ZNF23: variants seen among roughly 807,000 people sequenced by gnomAD.
ZNF23 encodes kruppel-like zinc finger factor X31.
A neutral mutation model predicts 56.2 loss-of-function variants in ZNF23; 48 were observed. The observed-to-expected ratio is 0.85, with a 90% CI of 0.68 to 1.09. ZNF23 has a LOEUF of 1.09. ZNF23 is among the 50% of genes least tolerant of loss of function. The probability of loss-of-function intolerance (pLI) is 0.00; values close to 1 mark genes in which losing one functional copy is unlikely to be tolerated. For synonymous variants in ZNF23, 266 were observed against 283.3 expected (o/e 0.94, Z 0.61); for missense variants, 805 against 811.4 (o/e 0.99, Z 0.10).
intron 1 of ZNF23, among the ~76,000 whole-genome samples, chr16:71,458,613 C>T (rs747338988): frequency 9.2e-5 from 14 of 152,076 alleles, no homozygotes; most frequent in Non-Finnish European, 1.5e-4. Context: ...GACTAAAGGT[C>T]CTAAGGTTAA....
chr16:71,456,032 T>A (rs2043218565), intron 2 of ZNF23: 1 of 456,382 alleles, frequency 2.2e-6, no homozygotes, highest in Non-Finnish European at 4.4e-6. Context: ...ATAGTAAGCC[T>A]CCAAAGATAC....
chr16:71,448,290 G>C lies in ZNF23; in HGVS notation c.1864C>G (p.Gln622Glu), dbSNP rs758073385. 1 of 1,614,170 alleles carries C rather than the reference G, an allele frequency of 6.2e-7. No individual in the cohort carries two copies. The highest frequency in any genetic ancestry group is 1.1e-5 in the South Asian group (1 of 91,078). Residue 622 changes from glutamine to glutamate, a missense_variant, in exon 5 of 5, where the codon CAG becomes GAG. Physicochemically the swap from Gln to Glu is conservative, Grantham distance 29. Coordinates refer to ENST00000647773, the MANE Select transcript of ZNF23 (RefSeq NM_001381984.1). ...FHVNAHLIRH[Q>E]RSHTGEKPFR... Reference sequence around the variant, plus strand: ...GGTTTCTCCCCAGTGTGGCTTCTCTGATGCCGAATTAAATGGGCATTAACA... The same window carrying C: ...GGTTTCTCCCCAGTGTGGCTTCTCTCATGCCGAATTAAATGGGCATTAACA...
Position 71,449,745 on chromosome 16 carries a change from A to G in ZNF23, c.409T>C (p.Ser137Pro). Residue 137 changes from serine (S) to proline (P), a missense_variant, in exon 5 of 5, where the codon TCA (serine) becomes CCA (proline). Physicochemically the swap from Ser to Pro is moderately conservative, Grantham distance 74. Coordinates refer to ENST00000647773, the MANE Select transcript of ZNF23 (RefSeq NM_001381984.1). Reference sequence around the variant, plus strand: ...TTCTCCTTCTTTATATTTCCTGCTGAGTGGACTTCCTGTTGTTTCTCTAGA... The same window carrying G: ...TTCTCCTTCTTTATATTTCCTGCTGGGTGGACTTCCTGTTGTTTCTCTAGA... ...SLLEKQQEVHSAGNIKKEKSN... is the reference protein window; with the variant it reads ...SLLEKQQEVHPAGNIKKEKSN... 6.2e-7 allele frequency: 1 copy of G among 1,614,056 alleles called. No individual in the cohort carries two copies. Among genetic ancestry groups the G allele is most frequent in the Non-Finnish European group, 8.5e-7 (1 of 1,180,018 alleles).
At position 71,448,350 on chromosome 16, in the gene ZNF23, G is replaced by C; in HGVS notation, c.1804C>G (p.Pro602Ala). ...VHQRIHTGEK[P>A]FQCKECGKAF... is the part of the protein sequence containing the mutation. ...TTTCCACACTCCTTACACTGAAAGG[G>C]TTTCTCTCCTGTATGGATTCTCTGG... The change falls in exon 5 of 5, where the codon CCC becomes GCC. Residue 602 changes from proline (P) to alanine (A), a missense_variant. Physicochemically the swap from Pro to Ala is conservative, Grantham distance 27 (BLOSUM62 -1). Coordinates refer to ENST00000647773, the MANE Select transcript of ZNF23 (RefSeq NM_001381984.1). 6.2e-7 allele frequency: 1 copy of C among 1,613,988 alleles called. No individual in the cohort carries two copies. Among genetic ancestry groups the C allele is most frequent in the Non-Finnish European group, 8.5e-7 (1 of 1,179,976 alleles).
rs1356038418 is a variant in ZNF23 at position 71,448,824 on chromosome 16, A to G, written c.1330T>C (p.Phe444Leu). Reference sequence around the variant, plus strand: ...TGGATTAACTTCCCTTTGACACTGAAGGCTTTTCCACATTCAGTGCATTCA... The same window carrying G: ...TGGATTAACTTCCCTTTGACACTGAGGGCTTTTCCACATTCAGTGCATTCA... The part of the protein sequence containing the change: ...PYECTECGKA[F>L]SVKGKLIQHQ... The change falls in exon 5 of 5, where the codon TTC (phenylalanine) becomes CTC (leucine). Residue 444 changes from phenylalanine to leucine, a missense_variant. Coordinates refer to ENST00000647773, the MANE Select transcript of ZNF23 (RefSeq NM_001381984.1). The G allele has an allele frequency of 1.2e-6, 2 of 1,614,218 alleles. No homozygotes were observed. The highest frequency in any genetic ancestry group is 3.3e-5 in the Admixed American group (2 of 60,036).
At position 71,448,891 on chromosome 16, in the gene ZNF23, T is replaced by A. The variant is rs1312187130; in HGVS notation, c.1263A>T (p.Lys421Asn). ...ECGKGFNNNTKLIQHQRIHTG... is the reference protein window; with the variant it reads ...ECGKGFNNNTNLIQHQRIHTG... ...TGTGGATTCTCTGATGCTGAATGAGTTTTGTATTATTATTGAAGCCTTTTC... is the reference window on the plus strand; with the variant it reads ...TGTGGATTCTCTGATGCTGAATGAGATTTGTATTATTATTGAAGCCTTTTC... The change falls in exon 5 of 5, where the codon AAA becomes AAT. Residue 421 changes from lysine (K) to asparagine (N), a missense_variant. Lys to Asn is a moderately conservative substitution (Grantham distance 94). Coordinates refer to ENST00000647773, the MANE Select transcript of ZNF23 (RefSeq NM_001381984.1). 2 of 1,613,962 alleles carry A rather than the reference T, an allele frequency of 1.2e-6. No individual in the cohort carries two copies. Among genetic ancestry groups the A allele is most frequent in the East Asian group, 4.5e-5 (2 of 44,882 alleles).
At position 71,454,148 on chromosome 16, in the gene ZNF23, G is replaced by C. The variant is rs768543620; in HGVS notation, c.54C>G (p.Asp18Glu). The part of the protein sequence containing the change: ...AWPQKSVTFE[D>E]VAVYFTQAEW... ...CCGCCTGGGTGAAGTACACAGCCAC[G>C]TCCTCAAAGGTCACCGACTTCTGAA... Residue 18 changes from aspartate (D) to glutamate (E), a missense_variant, in exon 3 of 5, where the codon GAC (aspartate) becomes GAG (glutamate). Physicochemically the swap from Asp to Glu is conservative, Grantham distance 45. Transcript: ENST00000647773. 5.0e-6 allele frequency: 8 copies of C among 1,613,494 alleles called. No homozygotes were observed. In the East Asian group the frequency reaches 1.6e-4, roughly 31 times the overall value.
intron 1 of ZNF23, among the ~76,000 whole-genome samples, chr16:71,459,941 A>G (rs2043380347): frequency 6.6e-6 from 1 of 152,142 alleles, no homozygotes; most frequent in African/African-American, 2.4e-5. Context: ...TAATAAACCA[A>G]CTCTACCAAT....
At chr16:71,456,177 C>A in intron 2 of ZNF23, 2 of 408,948 alleles carry the variant, frequency 4.9e-6, no homozygotes, top group South Asian at 3.6e-5. Context: ...GTTCCCCGCA[C>A]AACACCTCTT....
At position 71,448,939 on chromosome 16, in the gene ZNF23, C is replaced by T; in HGVS notation, c.1215G>A (p.Lys405=). 1 of 1,614,090 alleles carries T rather than the reference C, an allele frequency of 6.2e-7. No homozygotes were observed. Among genetic ancestry groups the T allele is most frequent in the South Asian group, 1.1e-5 (1 of 91,076 alleles). Residue 405 remains lysine (K), a synonymous_variant, in exon 5 of 5, where the codon AAG becomes AAA. Coordinates refer to ENST00000647773, the MANE Select transcript of ZNF23 (RefSeq NM_001381984.1). The part of the protein sequence containing the change: ...RQHQSIHTGE[K]PYQCKECGKG... ...TTCCACACTCTTTACACTGATAGGG[C>T]TTTTCTCCTGTGTGGATGCTCTGAT... is the stretch of plus-strand genomic sequence containing the variant.
intron 2 of ZNF23, among the ~76,000 whole-genome samples, chr16:71,455,694 C>T (rs2043206728): frequency 6.6e-6 from 1 of 152,106 alleles, no homozygotes. Context: ...GAATTGGATC[C>T]CTCTTTAATG....
At chr16:71,453,173 T>C (rs2043110500) in intron 4 of ZNF23, 70 bp downstream of exon 4, 5 of 1,130,026 alleles carry the variant, frequency 4.4e-6, no homozygotes, top group Non-Finnish European at 2.6e-6. Flanking sequence ...TATGTTTATA[T>C]GTTGCTAAAG....
chr16:71,448,816 G>GAAAGGAAA lies in ZNF23; in HGVS notation c.1337_1338insTTTCCTTT (p.Lys447PhefsTer7). The GAAAGGAAA allele has an allele frequency of 6.2e-7, 1 of 1,614,112 alleles. No individual in the cohort carries two copies. Among genetic ancestry groups the GAAAGGAAA allele is most frequent in the Non-Finnish European group, 8.5e-7 (1 of 1,180,024 alleles). ...TCTGGTGTTGGATTAACTTCCCTTT[G>GAAAGGAAA]ACACTGAAGGCTTTTCCACATTCAG... On this transcript the variant is annotated frameshift_variant, in exon 5 of 5. Coordinates refer to ENST00000647773, the MANE Select transcript of ZNF23 (RefSeq NM_001381984.1). LOFTEE classifies it high-confidence loss of function.
In ZNF23 at chr16:71,449,127, T is replaced by C. The variant is rs1051664837; in HGVS notation, c.1027A>G (p.Arg343Gly). The part of the protein sequence containing the change: ...SCSSAYITHQ[R>G]VHTGEKPYEC... ...TAAGGTTTCTCTCCAGTGTGGACTC[T>C]CTGATGTGTAATATATGCAGAACTA... Residue 343 changes from arginine to glycine, a missense_variant, in exon 5 of 5, where the codon AGA becomes GGA. By Grantham distance (125) the Arg-to-Gly change is moderately radical. Coordinates refer to ENST00000647773, the MANE Select transcript of ZNF23 (RefSeq NM_001381984.1). 1 of 1,614,238 alleles carries C rather than the reference T, an allele frequency of 6.2e-7. No homozygotes were observed. Among genetic ancestry groups the C allele is most frequent in the African/African-American group, 1.3e-5 (1 of 75,068 alleles).
At chr16:71,455,668 A>G (rs1263925145) in intron 2 of ZNF23, among the ~76,000 whole-genome samples, 1 of 152,116 alleles carries the variant, frequency 6.6e-6, no homozygotes, top group African/African-American at 2.4e-5. Flanking sequence ...TGATTTTTCT[A>G]TCTTAAGCAT....
At chr16:71,458,283 C>T (rs767253728) in intron 1 of ZNF23, among the ~76,000 whole-genome samples, 2 of 152,144 alleles carry the variant, frequency 1.3e-5, no homozygotes, top group Non-Finnish European at 2.9e-5. Context: ...CTTTTACTGC[C>T]CCTAAAGTCA....
intron 4 of ZNF23, chr16:71,450,238 C>T (rs2043007672): frequency 5.8e-6 from 1 of 171,102 alleles, no homozygotes; most frequent in South Asian, 1.7e-4. Flanking sequence ...CCATAAGAAA[C>T]TAAATAAACT....
At chr16:71,459,999 T>C (rs971786890) in intron 1 of ZNF23, among the ~76,000 whole-genome samples, 2 of 152,214 alleles carry the variant, frequency 1.3e-5, no homozygotes, top group African/African-American at 4.8e-5. Context: ...CAAGGGTGTA[T>C]ACCTGCTGCC....
intron 3 of ZNF23, chr16:71,453,796 T>A (rs2043133607): frequency 1.7e-6 from 1 of 578,026 alleles, no homozygotes; most frequent in Admixed American, 3.1e-5. Context: ...GATTCCAGTG[T>A]TTCCAAAACA....
Sources: gnomAD v4.1 joint callset for allele counts (sites outside exome capture counted in the v4.1 genomes callset) on GRCh38, gnomAD v4.1.1 for gene constraint, MANE v1.5 for transcripts, NCBI Gene and HGNC (gene_info 2026-07-23, HGNC 2026-07-21) for gene names.